The following TPST1 variants were observed in gnomAD, a reference collection of about 807,000 sequenced individuals.
The protein encoded by TPST1 is tyrosylprotein sulfotransferase 1, also known as protein-tyrosine sulfotransferase 1.
TPST1 carries 20 observed loss-of-function variants against 34.8 expected under a neutral mutation model. That is an observed-to-expected ratio of 0.57 (90% CI 0.40 to 0.84). The LOEUF (loss-of-function observed/expected upper bound fraction) is 0.84, where lower values mean the gene tolerates loss of function less well. TPST1 is among the 40% of genes least tolerant of loss of function. TPST1 has a pLI of 0.00. For synonymous variants in TPST1, 152 were observed against 159.4 expected, an observed-to-expected ratio of 0.95 and a Z score of 0.35; for missense variants, 353 against 455.5, an observed-to-expected ratio of 0.78 and a Z score of 2.05.
chr7:66,305,962 A>C (rs761063973), intron 3 of TPST1, among the ~76,000 whole-genome samples: 3 of 152,148 alleles, frequency 2.0e-5, no homozygotes, highest in Non-Finnish European at 4.4e-5. Context: ...TCTATTCCTC[A>C]TGTGATGACC....
At chr7:66,297,907 C>T (rs572530186) in intron 3 of TPST1, among the ~76,000 whole-genome samples, 2 of 152,294 alleles carry the variant, frequency 1.3e-5, no homozygotes, top group South Asian at 2.1e-4. Flanking sequence ...AATTAGGTCT[C>T]CTCACTTAAA....
rs768789974 is a variant in TPST1, at chr7:66,332,696, AC to A, written c.1045-19808del. Among the ~76,000 whole-genome samples, 6 of 152,228 alleles carry A rather than the reference AC, an allele frequency of 3.9e-5. No homozygotes were observed. In the East Asian group the frequency reaches 1.2e-3, roughly 29 times the overall value. ...GGGGGGAAATGATGCTTACATCTGT[AC>A]TGAACGTGACGGACTTTGTCATTAT... On this transcript the variant is annotated intron_variant, in intron 3 of 5. Coordinates refer to ENST00000304842, the MANE Select transcript of TPST1 (RefSeq NM_003596.4). This position sits in a 1 kb window ranked among gnomAD's most constrained non-coding sequence, Gnocchi z 4.5.
intron 2 of TPST1, among the ~76,000 whole-genome samples, chr7:66,277,584 A>G (rs1180632864): frequency 6.6e-6 from 1 of 152,150 alleles, no homozygotes; most frequent in Non-Finnish European, 1.5e-5. Context: ...TATTCAGAAT[A>G]GTTTTTTCTA....
At chr7:66,351,485 C>A (rs1468045426) in intron 3 of TPST1, among the ~76,000 whole-genome samples, 2 of 152,094 alleles carry the variant, frequency 1.3e-5, no homozygotes, top group African/African-American at 4.8e-5. Flanking sequence ...ATGGCTATAT[C>A]ATTAACTTAG....
chr7:66,207,514 T>G (rs1436188914), intron 1 of TPST1, among the ~76,000 whole-genome samples: 1 of 152,248 alleles, frequency 6.6e-6, no homozygotes, highest in African/African-American at 2.4e-5. Context: ...TCCTCAGGTT[T>G]CCACCATTCA....
chr7:66,237,930 T>C (rs1244724133), intron 1 of TPST1, among the ~76,000 whole-genome samples: 1 of 152,152 alleles, frequency 6.6e-6, no homozygotes, highest in Admixed American at 6.5e-5. Context: ...AGAGAGTTTT[T>C]ATTTCTGTAA....
chr7:66,330,503 G>T (rs1487817302), intron 3 of TPST1, among the ~76,000 whole-genome samples: 2 of 152,080 alleles, frequency 1.3e-5, no homozygotes, highest in African/African-American at 4.8e-5. Context: ...AGTTAACTTT[G>T]CTTGGAAATC....
chr7:66,254,036 G>T (rs1405750647), intron 2 of TPST1, among the ~76,000 whole-genome samples: 4 of 151,032 alleles, frequency 2.6e-5, no homozygotes, highest in African/African-American at 7.3e-5. Flanking sequence ...AAAGAAAATG[G>T]CTTAGAATCT....
intron 3 of TPST1, among the ~76,000 whole-genome samples, chr7:66,309,829 G>T (rs1201735091): frequency 1.2e-5 from 1 of 84,770 alleles, no homozygotes; most frequent in Non-Finnish European, 2.4e-5. Context: ...TGATACATAA[G>T]GAGATTTTTT....
intron 3 of TPST1, among the ~76,000 whole-genome samples, chr7:66,296,247 T>TCC (rs1554349788): frequency 4.0e-4 from 16 of 40,112 alleles, no homozygotes; most frequent in Admixed American, 2.4e-3. Flanking sequence ...CACCCACCCT[T>TCC]CCCCCCCCCC....
chr7:66,339,368 C>G (rs888401937), intron 3 of TPST1, among the ~76,000 whole-genome samples: 2 of 152,154 alleles, frequency 1.3e-5, no homozygotes, highest in African/African-American at 4.8e-5. Flanking sequence ...AAAAAAGTCT[C>G]TCAACCAAGA....
chr7:66,328,906 A>ATATTTATATAT (rs1299138303), intron 3 of TPST1, among the ~76,000 whole-genome samples: 1 of 13,158 alleles, frequency 7.6e-5, no homozygotes, highest in Non-Finnish European at 1.2e-4. Context: ...ATATATATAT[A>ATATTTATATAT]TTTTTTTTTT....
intron 3 of TPST1, among the ~76,000 whole-genome samples, chr7:66,335,389 A>T (rs1294657806): frequency 6.6e-6 from 1 of 151,614 alleles, no homozygotes. Context: ...TGGGAGACAG[A>T]GGTTACAGTG....
intron 2 of TPST1, among the ~76,000 whole-genome samples, chr7:66,283,413 G>A (rs1276143061): frequency 2.0e-5 from 3 of 152,068 alleles, no homozygotes; most frequent in Admixed American, 1.3e-4. Flanking sequence ...AAGTTTTTTT[G>A]TAAGGGTTAG....
intron 1 of TPST1, among the ~76,000 whole-genome samples, chr7:66,232,250 G>A (rs1207393896): frequency 6.7e-6 from 1 of 148,364 alleles, no homozygotes; most frequent in Non-Finnish European, 1.5e-5. Context: ...TGTTGCCCAG[G>A]CTGGAGCTAT....
intron 2 of TPST1, among the ~76,000 whole-genome samples, chr7:66,243,346 AAAT>A (rs1790076091): frequency 6.6e-6 from 1 of 152,212 alleles, no homozygotes; most frequent in African/African-American, 2.4e-5. Flanking sequence ...CTTAAAAGCA[AAAT>A]AATATTTGAA....
At chr7:66,322,759 G>C (rs1179710976) in intron 3 of TPST1, among the ~76,000 whole-genome samples, 1 of 152,114 alleles carries the variant, frequency 6.6e-6, no homozygotes, top group African/African-American at 2.4e-5. Context: ...TGGAATTGCT[G>C]AATTATATGG....
intron 3 of TPST1, among the ~76,000 whole-genome samples, chr7:66,331,072 C>G (rs1284247250): frequency 6.6e-6 from 1 of 152,156 alleles, no homozygotes; most frequent in Non-Finnish European, 1.5e-5. Flanking sequence ...CAAGCTCTCT[C>G]ATGTGACTGT....
intron 1 of TPST1, among the ~76,000 whole-genome samples, chr7:66,227,775 T>C (rs138244523): frequency 0.013 from 2,045 of 151,796 alleles, 55 homozygotes; most frequent in African/African-American, 0.046. Context: ...GAGAAAGAGA[T>C]GAATCAAATA....
Sources: gnomAD v4.1 joint callset for allele counts (sites outside exome capture counted in the v4.1 genomes callset) on GRCh38, gnomAD v4.1.1 for gene constraint, Gnocchi (gnomAD v3.1) non-coding constraint, MANE v1.5 for transcripts, NCBI Gene and HGNC (gene_info 2026-07-23, HGNC 2026-07-21) for gene names.